Variants in SFXN2 observed in about 807,000 individuals in gnomAD.
The protein encoded by SFXN2 is sideroflexin-2.
A neutral mutation model predicts 41.9 loss-of-function variants in SFXN2; 37 were observed. That is an observed-to-expected ratio of 0.88 (90% CI 0.68 to 1.16). The LOEUF (loss-of-function observed/expected upper bound fraction) is 1.16, where lower values mean the gene tolerates loss of function less well. SFXN2 is among the 50% of genes most tolerant of loss of function. The probability of loss-of-function intolerance (pLI) is 0.00; values close to 1 mark genes in which losing one functional copy is unlikely to be tolerated. For missense variants in SFXN2, 386 were observed against 425.2 expected, an observed-to-expected ratio of 0.91 and a Z score of 0.81; for synonymous variants, 150 against 156.7, an observed-to-expected ratio of 0.96 and a Z score of 0.32.
chr10:102,718,826 G>T (rs757995243), intron 1 of SFXN2, among the ~76,000 whole-genome samples: 4 of 151,772 alleles, frequency 2.6e-5, no homozygotes, highest in Admixed American at 6.6e-5. Flanking sequence ...CTCCCAAAGT[G>T]CTGGGATTAC....
intron 1 of SFXN2, among the ~76,000 whole-genome samples, chr10:102,721,900 T>C (rs1287770748): frequency 6.6e-6 from 1 of 152,146 alleles, no homozygotes; most frequent in Non-Finnish European, 1.5e-5. Flanking sequence ...GTTCCTCTTA[T>C]ACCTATTGCT....
At chr10:102,724,527 C>A (rs1450270870) in intron 1 of SFXN2, among the ~76,000 whole-genome samples, 1 of 152,072 alleles carries the variant, frequency 6.6e-6, no homozygotes, top group Non-Finnish European at 1.5e-5. Context: ...CATGGTGAAA[C>A]CCCATCTCTA....
At chr10:102,715,966 TCTG>T (rs1296750317) in intron 1 of SFXN2, among the ~76,000 whole-genome samples, 1 of 150,924 alleles carries the variant, frequency 6.6e-6, no homozygotes, top group African/African-American at 2.4e-5. Flanking sequence ...AAAATCAACA[TCTG>T]CTGCTTGCAT....
intron 3 of SFXN2, 118 bp from the exon 4 acceptor site, chr10:102,728,312 TA>T: frequency 1.3e-6 from 1 of 784,534 alleles, no homozygotes; most frequent in Non-Finnish European, 2.2e-6. Flanking sequence ...AAAATAAAAA[TA>T]AAAAACTAGT....
Position 102,732,207 on chromosome 10 carries a change from C to A in SFXN2, c.710C>A (p.Ala237Asp). The A allele has an allele frequency of 6.2e-7, 1 of 1,614,000 alleles. No homozygotes were observed. Among genetic ancestry groups the A allele is most frequent in the Non-Finnish European group, 8.5e-7 (1 of 1,179,932 alleles). Residue 237 changes from alanine (A) to aspartate (D), a missense_variant, in exon 8 of 12, where the codon GCT becomes GAT. Physicochemically the swap from Ala to Asp is moderately radical, Grantham distance 126 (BLOSUM62 -2). Coordinates refer to ENST00000369893, the MANE Select transcript of SFXN2 (RefSeq NM_178858.6). ...GTTATTTCTCGGATCACCATGTCAG[C>A]TCCTGGGATGAGTAAGATGGGGAAG... The part of the protein sequence containing the change: ...QVVISRITMS[A>D]PGMILLPVIM...
intron 1 of SFXN2, chr10:102,726,391 G>A (rs926738325): frequency 7.5e-6 from 4 of 533,302 alleles, no homozygotes; most frequent in East Asian, 3.3e-5. Flanking sequence ...CCCTCCTGCT[G>A]TATGGTCAAG....
intron 11 of SFXN2, among the ~76,000 whole-genome samples, chr10:102,737,286 T>C (rs749018249): frequency 2.0e-5 from 3 of 152,140 alleles, no homozygotes; most frequent in Non-Finnish European, 4.4e-5. Flanking sequence ...AGGGAAGGGA[T>C]ACATCAGACT....
Position 102,739,234 on chromosome 10 carries a change from T to C in SFXN2, c.*1472T>C, listed in dbSNP as rs557836087. ...AATGAAGCCTGAATGGAAAGCAGGA[T>C]CTGGCCTTACTTTGGCCTTGGCATG... On this transcript the variant is annotated 3_prime_UTR_variant, in exon 12 of 12. Coordinates refer to ENST00000369893, the MANE Select transcript of SFXN2 (RefSeq NM_178858.6). The C allele has an allele frequency of 6.6e-6, 1 of 152,368 alleles. No individual in the cohort carries two copies. The highest frequency in any genetic ancestry group is 2.4e-5 in the African/African-American group (1 of 41,574). The allele number at this position is 152,368 out of a possible 1,614,324, so 9.4% of individuals were successfully genotyped here.
At chr10:102,721,306 G>A (rs996765395) in intron 1 of SFXN2, among the ~76,000 whole-genome samples, 1 of 151,830 alleles carries the variant, frequency 6.6e-6, no homozygotes, top group Non-Finnish European at 1.5e-5. Flanking sequence ...CTTGAGCCCA[G>A]GAGTTTGAGA....
intron 1 of SFXN2, among the ~76,000 whole-genome samples, chr10:102,718,042 G>T (rs960072079): frequency 2.2e-4 from 34 of 152,294 alleles, no homozygotes; most frequent in Admixed American, 1.1e-3. Context: ...GTGGGTGTGT[G>T]GGGGGAAATG....
intron 1 of SFXN2, among the ~76,000 whole-genome samples, chr10:102,724,401 G>T (rs1243915615): frequency 6.6e-6 from 1 of 152,038 alleles, no homozygotes; most frequent in African/African-American, 2.4e-5. Flanking sequence ...ATTTCCTTTT[G>T]ATTCTTTCTT....
At chr10:102,735,229 C>T (rs995727726) in intron 10 of SFXN2, among the ~76,000 whole-genome samples, 1 of 150,384 alleles carries the variant, frequency 6.6e-6, no homozygotes, top group Non-Finnish European at 1.5e-5. Context: ...CCTTCTCCCT[C>T]TCCATGTTGC....
chr10:102,738,852 TATA>T lies in SFXN2; in HGVS notation c.*1093_*1095del, dbSNP rs2064816436. 1.3e-5 allele frequency: 2 copies of T among 152,618 alleles called. No individual in the cohort carries two copies. The highest frequency in any genetic ancestry group is 4.1e-4 in the South Asian group (2 of 4,832). 9.5% of individuals were successfully genotyped at this position (152,618 alleles called of 1,614,324 possible). A position where few individuals can be genotyped will look rare whatever the true frequency, so the allele number is the denominator to read the frequency against. ...GGCATTAACCACACACTTTAATGGG[TATA>T]ATTTCCTGGCTGCCTCCCTTCCTCA... On this transcript the variant is annotated 3_prime_UTR_variant, in exon 12 of 12. Coordinates refer to ENST00000369893, the MANE Select transcript of SFXN2 (RefSeq NM_178858.6).
chr10:102,726,560 C>G (rs1008941470), intron 1 of SFXN2, 52 bp from the exon 2 acceptor site: 28 of 1,576,114 alleles, frequency 1.8e-5, no homozygotes, highest in Non-Finnish European at 2.2e-5. Flanking sequence ...CTCAGGTCCT[C>G]TGTGGTGGGC....
At chr10:102,718,922 T>C (rs2064459568) in intron 1 of SFXN2, among the ~76,000 whole-genome samples, 4 of 140,400 alleles carry the variant, frequency 2.8e-5, no homozygotes, top group Admixed American at 1.4e-4. Context: ...CGGCTTCTTT[T>C]TTTTTTTTTT....
intron 3 of SFXN2, 65 bp downstream of exon 3, chr10:102,727,222 C>G: frequency 6.7e-7 from 1 of 1,495,668 alleles, no homozygotes; most frequent in Non-Finnish European, 9.1e-7. Flanking sequence ...GGGAGCCATA[C>G]TATGATAATA....
At chr10:102,723,720 C>T (rs2064546403) in intron 1 of SFXN2, among the ~76,000 whole-genome samples, 1 of 152,182 alleles carries the variant, frequency 6.6e-6, no homozygotes, top group East Asian at 1.9e-4. Context: ...ACCATCCCTA[C>T]CACCACAGAC....
chr10:102,736,053 G>GAT, intron 11 of SFXN2, 144 bp downstream of exon 11: 1 of 824,402 alleles, frequency 1.2e-6, no homozygotes, highest in Non-Finnish European at 2.0e-6. Flanking sequence ...CCTAAAGGCT[G>GAT]GGCCTCTTAA....
At chr10:102,721,594 A>C (rs1164357485) in intron 1 of SFXN2, among the ~76,000 whole-genome samples, 1 of 147,554 alleles carries the variant, frequency 6.8e-6, no homozygotes, top group East Asian at 1.9e-4. Flanking sequence ...TATATCTATA[A>C]ATTTAAAAAA....
Sources: allele counts gnomAD v4.1 joint callset (sites outside exome capture counted in the v4.1 genomes callset), GRCh38; gene constraint gnomAD v4.1.1; transcripts MANE v1.5; gene names NCBI Gene and HGNC (gene_info 2026-07-23, HGNC 2026-07-21).